Variants in ULK4 observed in about 807,000 individuals in gnomAD.
ULK4 encodes the protein inactive serine/threonine-protein kinase ULK4.
Under a neutral mutation model 160.6 loss-of-function variants are expected in ULK4, and 133 were observed. The observed-to-expected ratio is 0.83, with a 90% confidence interval of 0.72 to 0.96. The LOEUF is 0.96. ULK4 is among the 40% of genes least tolerant of loss of function. ULK4 has a pLI of 0.00. For synonymous variants in ULK4, 534 were observed against 539.8 expected, an observed-to-expected ratio of 0.99 and a Z score of 0.15; for missense variants, 1,580 against 1,499.5, an observed-to-expected ratio of 1.05 and a Z score of -0.89.
At position 41,618,412 on chromosome 3, in the gene ULK4, T is replaced by A. The variant is rs556224242; in HGVS notation, c.3072-2695A>T. On this transcript the variant is annotated intron_variant, in intron 30 of 36. Coordinates refer to ENST00000301831, the MANE Select transcript of ULK4 (RefSeq NM_017886.4). ...ACCAACAAAGAGAAGCCCATCAGAC[T>A]AACAGCAGATCTCTCTGCAGAAATA... Among the ~76,000 whole-genome samples the A allele has an allele frequency of 6.6e-5, 10 of 152,288 alleles. No individual in the cohort carries two copies. The East Asian group carries it at 1.9e-3, about 29-fold the overall frequency.
chr3:41,328,365 T>C (rs2080375430), intron 35 of ULK4, among the ~76,000 whole-genome samples: 1 of 152,136 alleles, frequency 6.6e-6, no homozygotes, highest in Non-Finnish European at 1.5e-5. Flanking sequence ...TGGAGAATCA[T>C]GTTCACTTCT....
chr3:41,717,294 G>GA (rs148137651), intron 23 of ULK4, among the ~76,000 whole-genome samples: 3 of 150,928 alleles, frequency 2.0e-5, no homozygotes, highest in Non-Finnish European at 3.0e-5. Flanking sequence ...TTCAGCAAGG[G>GA]AAAAAAAATA....
At chr3:41,533,532 A>T (rs184369071) in intron 32 of ULK4, among the ~76,000 whole-genome samples, 1 of 152,312 alleles carries the variant, frequency 6.6e-6, no homozygotes, top group Non-Finnish European at 1.5e-5. Context: ...TATTGGACAG[A>T]GGTTGGCAAG....
At chr3:41,372,602 T>C (rs1027754698) in intron 35 of ULK4, among the ~76,000 whole-genome samples, 1 of 152,198 alleles carries the variant, frequency 6.6e-6, no homozygotes, top group African/African-American at 2.4e-5. Context: ...AGGGATTTTG[T>C]CACCACCAGG....
intron 32 of ULK4, among the ~76,000 whole-genome samples, chr3:41,483,087 C>T (rs2084384414): frequency 6.6e-6 from 1 of 152,148 alleles, no homozygotes; most frequent in Non-Finnish European, 1.5e-5. Context: ...CCCTGTTGTG[C>T]TAGCAAATAC....
At chr3:41,379,833 T>A (rs756437010) in intron 35 of ULK4, among the ~76,000 whole-genome samples, 9 of 152,164 alleles carry the variant, frequency 5.9e-5, no homozygotes. Flanking sequence ...TATGCATGCA[T>A]GTGGGATCAT....
chr3:41,362,128 A>C (rs1011844207), intron 35 of ULK4, among the ~76,000 whole-genome samples: 1 of 152,212 alleles, frequency 6.6e-6, no homozygotes, highest in Non-Finnish European at 1.5e-5. Context: ...CACAGGGTTA[A>C]CTATCATAAG....
chr3:41,794,291 A>T (rs1358489463), intron 20 of ULK4, among the ~76,000 whole-genome samples: 2 of 152,168 alleles, frequency 1.3e-5, no homozygotes, highest in East Asian at 1.9e-4. Flanking sequence ...TGATTAGCAG[A>T]TATCTACTGA....
At position 41,300,874 on chromosome 3, in the gene ULK4, T is replaced by C. The variant is rs185402143; in HGVS notation, c.3679-51300A>G. 2.8e-3 allele frequency among the ~76,000 whole-genome samples: 330 copies of C among 118,304 alleles called. 48 individuals carry two copies. The highest frequency in any genetic ancestry group is 0.019 in the East Asian group (80 of 4,126). 77.6% of individuals were successfully genotyped at this position (118,304 alleles called of 152,430 possible). ...ATATATATATATATATATATATATA[T>C]ATATATATATATTTGGTATCTTGCT... On this transcript the variant is annotated intron_variant, in intron 35 of 36. Coordinates refer to ENST00000301831, the MANE Select transcript of ULK4 (RefSeq NM_017886.4).
At chr3:41,272,235 T>C (rs1176926319) in intron 35 of ULK4, among the ~76,000 whole-genome samples, 2 of 152,148 alleles carry the variant, frequency 1.3e-5, no homozygotes, top group African/African-American at 4.8e-5. Flanking sequence ...TAATTTGGTA[T>C]CATTTTCCTT....
At chr3:41,361,380 A>T (rs1307311734) in intron 35 of ULK4, among the ~76,000 whole-genome samples, 1 of 152,166 alleles carries the variant, frequency 6.6e-6, no homozygotes, top group Admixed American at 6.5e-5. Context: ...AAAATACACA[A>T]AATTAACAAA....
chr3:41,306,593 CT>C (rs2079944025), intron 35 of ULK4, among the ~76,000 whole-genome samples: 1 of 151,218 alleles, frequency 6.6e-6, no homozygotes, highest in African/African-American at 2.4e-5. Context: ...CCGGCCGCCC[CT>C]ACTGGGAAGT....
intron 35 of ULK4, among the ~76,000 whole-genome samples, chr3:41,250,457 A>T (rs2078725257): frequency 6.6e-6 from 1 of 152,182 alleles, no homozygotes; most frequent in South Asian, 2.1e-4. Context: ...GTAAGTATAT[A>T]TCATGTTTTA....
chr3:41,803,753 G>T (rs1408431979), intron 19 of ULK4, among the ~76,000 whole-genome samples: 3 of 151,894 alleles, frequency 2.0e-5, no homozygotes, highest in Admixed American at 6.6e-5. Flanking sequence ...TTTTGTCCTT[G>T]CAATAGTTTA....
At chr3:41,307,720 C>T (rs535608313) in intron 35 of ULK4, among the ~76,000 whole-genome samples, 1 of 152,126 alleles carries the variant, frequency 6.6e-6, no homozygotes, top group South Asian at 2.1e-4. Context: ...GTCCTAGCCA[C>T]TTGGGAAGCT....
chr3:41,671,732 A>T (rs1263129855), intron 29 of ULK4, among the ~76,000 whole-genome samples: 2 of 152,168 alleles, frequency 1.3e-5, no homozygotes, highest in African/African-American at 4.8e-5. Context: ...GGACTATATT[A>T]AACTTAAAAG....
At position 41,920,921 on chromosome 3, in the gene ULK4, T is replaced by C. The variant is rs779751230; in HGVS notation, c.542-1103A>G. ...ACGCCCATGGAACACCCTTGCACTC[T>C]GTCCAACACTTAATAGATGTTTCAT... is the stretch of plus-strand genomic sequence containing the variant. On this transcript the variant is annotated intron_variant, in intron 5 of 36. Transcript: ENST00000301831. Among the ~76,000 whole-genome samples the C allele has an allele frequency of 3.3e-5, 5 of 152,216 alleles. 1 individual carries two copies. The highest frequency in any genetic ancestry group is 7.3e-5 in the Non-Finnish European group (5 of 68,032).
chr3:41,470,031 A>AAAC (rs1559626262), intron 32 of ULK4, among the ~76,000 whole-genome samples: 2 of 145,536 alleles, frequency 1.4e-5, no homozygotes, highest in Non-Finnish European at 3.0e-5. Context: ...AAAAAAAAAA[A>AAAC]AAAAAAAAAA....
intron 21 of ULK4, among the ~76,000 whole-genome samples, chr3:41,763,231 T>C (rs2039048033): frequency 6.6e-6 from 1 of 151,802 alleles, no homozygotes; most frequent in African/African-American, 2.4e-5. Context: ...AATAAAAGAA[T>C]AAAAATACAC....
Sources: gnomAD v4.1 joint callset for allele counts (sites outside exome capture counted in the v4.1 genomes callset) on GRCh38, gnomAD v4.1.1 for gene constraint, MANE v1.5 for transcripts, NCBI Gene and HGNC (gene_info 2026-07-23, HGNC 2026-07-21) for gene names.